The following E2F5 variants were observed in gnomAD, a reference collection of about 807,000 sequenced individuals.
E2F5 encodes transcription factor E2F5.
A neutral mutation model predicts 39.1 loss-of-function variants in E2F5; 23 were observed. The ratio of observed to expected loss-of-function variants is 0.59; its 90% CI spans 0.42 to 0.83. The LOEUF is 0.83. Ranked by LOEUF, E2F5 falls within the 40% of genes least tolerant of loss-of-function variation. E2F5 has a pLI of 0.00. For missense variants in E2F5, 365 were observed against 406.7 expected, an observed-to-expected ratio of 0.90 and a Z score of 0.88; for synonymous variants, 145 against 157.8, an observed-to-expected ratio of 0.92 and a Z score of 0.61.
chr8:85,196,993 C>T (rs989896352), intron 1 of E2F5, among the ~76,000 whole-genome samples: 8 of 152,172 alleles, frequency 5.3e-5, no homozygotes, highest in Non-Finnish European at 8.8e-5. Context: ...TTTTAATTCT[C>T]ATTAAAATAT....
In E2F5 at chr8:85,202,221, G is replaced by A. The variant is rs1812712159; in HGVS notation, c.309G>A (p.Leu103=). The A allele has an allele frequency of 6.2e-7, 1 of 1,611,310 alleles. No homozygotes were observed. The highest frequency in any genetic ancestry group is 8.5e-7 in the Non-Finnish European group (1 of 1,178,926). ...CCAATGTCTTAGAGGGAATTGACTT[G>A]ATTGAAAAAAAGTCAAAAAACAGTA... is the stretch of plus-strand genomic sequence containing the variant. ...DITNVLEGID[L]IEKKSKNSIQ... Residue 103 remains leucine, a synonymous_variant, in exon 2 of 8, where the codon TTG becomes TTA. Coordinates refer to ENST00000416274, the MANE Select transcript of E2F5 (RefSeq NM_001951.4).
chr8:85,179,582 A>G (rs187716359), intron 1 of E2F5, among the ~76,000 whole-genome samples: 3 of 151,538 alleles, frequency 2.0e-5, no homozygotes, highest in Admixed American at 1.3e-4. Context: ...GTTTTCATAT[A>G]TATGTATGAA....
At chr8:85,200,110 G>A (rs1563980866) in intron 1 of E2F5, among the ~76,000 whole-genome samples, 3 of 152,120 alleles carry the variant, frequency 2.0e-5, no homozygotes, top group African/African-American at 7.2e-5. Context: ...AGCCAGTCGT[G>A]GTGGTACACA....
chr8:85,211,830 G>A (rs953153005), intron 6 of E2F5, among the ~76,000 whole-genome samples: 3 of 151,592 alleles, frequency 2.0e-5, no homozygotes, highest in Non-Finnish European at 4.4e-5. Context: ...TTGTAAAGAC[G>A]GATTTCACTA....
In E2F5 at chr8:85,214,394, T is replaced by C. The variant is rs1813045417; in HGVS notation, c.*532T>C. 3 of 625,140 alleles carry C rather than the reference T, an allele frequency of 4.8e-6. No homozygotes were observed. The Admixed American group carries it at 9.1e-5, about 19-fold the overall frequency. 38.7% of individuals were successfully genotyped at this position (625,140 alleles called of 1,614,324 possible). On this transcript the variant is annotated 3_prime_UTR_variant, in exon 8 of 8. Transcript: ENST00000416274. ...AGCACTTTAAGTTTATCACATTTTGTTGACTTCTGACATTCCACTTTCCTA... is the reference window on the plus strand; with the variant it reads ...AGCACTTTAAGTTTATCACATTTTGCTGACTTCTGACATTCCACTTTCCTA...
intron 1 of E2F5, among the ~76,000 whole-genome samples, chr8:85,198,006 C>T (rs1333067587): frequency 6.6e-6 from 1 of 152,154 alleles, no homozygotes; most frequent in African/African-American, 2.4e-5. Flanking sequence ...TTTCTTCTCT[C>T]CTCTCAACCA....
chr8:85,193,281 C>T (rs1459477130), intron 1 of E2F5, among the ~76,000 whole-genome samples: 2 of 151,874 alleles, frequency 1.3e-5, no homozygotes, highest in South Asian at 2.1e-4. Context: ...GTCAGGAGTT[C>T]GAGACCAGCC....
chr8:85,197,123 T>C (rs1587491282), intron 1 of E2F5, among the ~76,000 whole-genome samples: 1 of 152,218 alleles, frequency 6.6e-6, no homozygotes, highest in Non-Finnish European at 1.5e-5. Flanking sequence ...TGCTTCATCA[T>C]AGTGTTCGTT....
At chr8:85,179,117 C>T (rs1812147378) in intron 1 of E2F5, among the ~76,000 whole-genome samples, 1 of 152,078 alleles carries the variant, frequency 6.6e-6, no homozygotes, top group African/African-American at 2.4e-5. Flanking sequence ...AAAATGGATT[C>T]TGTTTAAAGA....
chr8:85,177,936 G>A (rs1812122364), intron 1 of E2F5: 1 of 266,396 alleles, frequency 3.8e-6, no homozygotes, highest in Non-Finnish European at 6.2e-6. Context: ...CGCCCGCGTG[G>A]CTTCTGTCTC....
At chr8:85,212,360 G>T in intron 7 of E2F5, 156 bp downstream of exon 7, 1 of 570,310 alleles carries the variant, frequency 1.8e-6, no homozygotes, top group Non-Finnish European at 3.1e-6. Flanking sequence ...GTAAGTAATA[G>T]GCAACCTTCA....
intron 1 of E2F5, among the ~76,000 whole-genome samples, chr8:85,191,126 A>T (rs1330569632): frequency 6.6e-6 from 1 of 150,864 alleles, no homozygotes; most frequent in African/African-American, 2.4e-5. Context: ...TTCAACCATT[A>T]AAAAAAAAGG....
chr8:85,200,312 T>C (rs1375565042), intron 1 of E2F5: 2 of 949,824 alleles, frequency 2.1e-6, no homozygotes, highest in Non-Finnish European at 2.5e-6. Context: ...TTACATATGA[T>C]CTGTACATGT....
chr8:85,201,474 A>G (rs777479766), intron 1 of E2F5, among the ~76,000 whole-genome samples: 25 of 152,246 alleles, frequency 1.6e-4, no homozygotes, highest in Non-Finnish European at 3.1e-4. Context: ...TGTTGAATTC[A>G]TAACATGATA....
At chr8:85,209,115 A>G in intron 5 of E2F5, 27 bp from the exon 6 acceptor site, 2 of 1,603,986 alleles carry the variant, frequency 1.2e-6, no homozygotes, top group Non-Finnish European at 1.7e-6. Flanking sequence ...ATAATTATAC[A>G]TTTGTTTATA....
rs1317183897 is a variant in E2F5, at chr8:85,177,495, G to A, written c.75G>A (p.Pro25=). 4 of 1,060,296 alleles carry A rather than the reference G, an allele frequency of 3.8e-6. No individual in the cohort carries two copies. The East Asian group carries it at 2.1e-4, about 55-fold the overall frequency. The allele number at this position is 1,060,296 out of a possible 1,614,324, so 65.7% of individuals were successfully genotyped here. A position where few individuals can be genotyped will look rare whatever the true frequency, so the allele number is the denominator to read the frequency against. ...AGGGGCAGGGCCAGCGGCCGCCGCCGCAGCCTCCGCAGGCGCAAGCCCCGC... is the reference window on the plus strand; with the variant it reads ...AGGGGCAGGGCCAGCGGCCGCCGCCACAGCCTCCGCAGGCGCAAGCCCCGC... ...AGQGQGQRPP[P]QPPQAQAPQP... The change falls in exon 1 of 8, where the codon CCG becomes CCA. Residue 25 remains proline (P), a synonymous_variant. Transcript: ENST00000416274.
intron 6 of E2F5, among the ~76,000 whole-genome samples, chr8:85,211,643 GTTTTTTTTTTTTTT>G (rs950695727): frequency 1.9e-5 from 1 of 52,196 alleles, no homozygotes; most frequent in African/African-American, 9.1e-5. Context: ...GTTTGTTGTT[GTTTTTTTTTTTTTT>G]TTTTTTTTTT....
At chr8:85,186,837 GTAAGGTGTATATATATGGTGTGTATATA>G (rs1314017992) in intron 1 of E2F5, among the ~76,000 whole-genome samples, 2 of 146,880 alleles carry the variant, frequency 1.4e-5, no homozygotes, top group Non-Finnish European at 3.0e-5. Context: ...GTATATATAT[GTAAGGTGTATATATATGGTGTGTATATA>G]TAAGGTGTAT....
At chr8:85,182,809 CTT>C (rs955700319) in intron 1 of E2F5, among the ~76,000 whole-genome samples, 1 of 152,152 alleles carries the variant, frequency 6.6e-6, no homozygotes, top group African/African-American at 2.4e-5. Context: ...TTGCTTATCT[CTT>C]TTATTATAAT....
Sources: allele counts gnomAD v4.1 joint callset (sites outside exome capture counted in the v4.1 genomes callset), GRCh38; gene constraint gnomAD v4.1.1; transcripts MANE v1.5; gene names NCBI Gene and HGNC (gene_info 2026-07-23, HGNC 2026-07-21).